The following ALS2 variants were observed in gnomAD, a reference collection of about 807,000 sequenced individuals.
ALS2 encodes the protein alsin Rho guanine nucleotide exchange factor ALS2.
ALS2 carries 117 observed loss-of-function variants against 203.4 expected under a neutral mutation model. The observed-to-expected ratio is 0.58, with a 90% CI of 0.50 to 0.67. The LOEUF is 0.67. Among genes scored for constraint, ALS2 ranks in the 30% least tolerant of loss-of-function variants. The probability of loss-of-function intolerance (pLI) is 0.00; values close to 1 mark genes in which losing one functional copy is unlikely to be tolerated. For missense variants in ALS2, 1,715 were observed against 1,989.4 expected (o/e 0.86, Z 2.62); for synonymous variants, 718 against 725.9 (o/e 0.99, Z 0.17).
intron 1 of ALS2, among the ~76,000 whole-genome samples, chr2:201,772,832 T>A (rs1374350026): frequency 6.6e-6 from 1 of 150,908 alleles, no homozygotes; most frequent in East Asian, 1.9e-4. Flanking sequence ...AGTGGGACAG[T>A]CTATGGATGC....
intron 4 of ALS2, chr2:201,759,472 T>A: frequency 1.1e-6 from 1 of 951,436 alleles, no homozygotes; most frequent in Non-Finnish European, 1.3e-6. Flanking sequence ...ATAAATTAAA[T>A]TTAATTCAAT....
rs868012705 is a variant in ALS2 at position 201,746,574 on chromosome 2, A to C, written c.1990T>G (p.Cys664Gly). ...SGSKTPVLLS[C>G]SKLGYISRVT... Reference sequence around the variant, plus strand: ...ATCCAATTCCTGTTCACCTTACTACAGGAGAGAAGTACTGGAGTCTTAGAA... The same window carrying C: ...ATCCAATTCCTGTTCACCTTACTACCGGAGAGAAGTACTGGAGTCTTAGAA... The change falls in exon 9 of 34, where the codon TGT becomes GGT. Residue 664 changes from cysteine (C) to glycine (G), a missense_variant. By Grantham distance (159) the Cys-to-Gly change is radical. Coordinates refer to ENST00000264276, the MANE Select transcript of ALS2 (RefSeq NM_020919.4). 1 of 1,614,082 alleles carries C rather than the reference A, an allele frequency of 6.2e-7. No individual in the cohort carries two copies.
chr2:201,758,983 G>A (rs1345028706), intron 4 of ALS2, among the ~76,000 whole-genome samples: 1 of 152,066 alleles, frequency 6.6e-6, no homozygotes, highest in Non-Finnish European at 1.5e-5. Context: ...GAAATACAAA[G>A]CCTATTACTT....
Position 201,701,769 on chromosome 2 carries a change from C to T in ALS2, c.*82G>A. ...AGTCCTTTCCAATTTCAACACTGTT[C>T]TTTTTTGCCACTACAGGAAGACTCC... is the stretch of plus-strand genomic sequence containing the variant. On this transcript the variant is annotated 3_prime_UTR_variant, in exon 34 of 34. Coordinates refer to ENST00000264276, the MANE Select transcript of ALS2 (RefSeq NM_020919.4). The T allele has an allele frequency of 1.5e-6, 2 of 1,345,890 alleles. No individual in the cohort carries two copies. Among genetic ancestry groups the T allele is most frequent in the Middle Eastern group, 1.8e-4 (1 of 5,448 alleles). The allele number at this position is 1,345,890 out of a possible 1,614,324, so 83.4% of individuals were successfully genotyped here.
intron 8 of ALS2, 88 bp downstream of exon 8, chr2:201,749,624 C>T (rs973483099): frequency 3.2e-6 from 4 of 1,267,754 alleles, no homozygotes; most frequent in Non-Finnish European, 2.3e-6. Flanking sequence ...ATGAAATTCC[C>T]CCGATATTTT....
chr2:201,707,134 A>C (rs1341757497), intron 28 of ALS2, 112 bp from the exon 29 acceptor site: 1 of 971,252 alleles, frequency 1.0e-6, no homozygotes, highest in Non-Finnish European at 1.6e-6. Flanking sequence ...GGGAAGTTTT[A>C]AAGAAGTTAT....
chr2:201,733,319 T>C lies in ALS2; in HGVS notation c.2537A>G (p.Asn846Ser), dbSNP rs375465475. The C allele has an allele frequency of 5.0e-6, 8 of 1,613,884 alleles. No homozygotes were observed. Among genetic ancestry groups the C allele is most frequent in the Non-Finnish European group, 6.8e-6 (8 of 1,179,906 alleles). Residue 846 changes from asparagine (N) to serine (S), a missense_variant, in exon 13 of 34, where the codon AAT becomes AGT. Transcript: ENST00000264276. The stretch of plus-strand genomic sequence containing the variant: ...AAGCTTTAGCAAAACTTTTGCGTAA[T>C]TATGAAGTCGTCTGATTGGCAAGAA... ...LFFLPIRRLH[N>S]YAKVLLKLAT...
rs760216233 is a variant in ALS2 at position 201,754,641 on chromosome 2, C to T, written c.1502G>A (p.Arg501Gln). ...VSPRLLRKAARVKTRTVVLTP... is the reference protein window; with the variant it reads ...VSPRLLRKAAQVKTRTVVLTP... ...CAGAACCACTGTCCTCGTTTTCACC[C>T]GTGCAGCCTTTCTTAAGAGCCTGGG... Residue 501 changes from arginine (R) to glutamine (Q), a missense_variant, in exon 6 of 34, where the codon CGG becomes CAG. By Grantham distance (43) the Arg-to-Gln change is conservative. Transcript: ENST00000264276. The T allele has an allele frequency of 1.2e-5, 20 of 1,614,018 alleles. No homozygotes were observed. The highest frequency in any genetic ancestry group is 1.6e-4 in the Middle Eastern group (1 of 6,084).
chr2:201,723,166 G>GT lies in ALS2; in HGVS notation c.3625-47dup, dbSNP rs781535974. ...AAAATTACAACACATAAAATACAGAGTAACTTAAGAGTGCACGCAGTCATA... is the reference window on the plus strand; with the variant it reads ...AAAATTACAACACATAAAATACAGAGTTAACTTAAGAGTGCACGCAGTCATA... On this transcript the variant is annotated intron_variant, in intron 22 of 33. Transcript: ENST00000264276. 5 of 1,527,676 alleles carry GT rather than the reference G, an allele frequency of 3.3e-6. No individual in the cohort carries two copies. The East Asian group carries it at 1.1e-4, about 34-fold the overall frequency. 94.6% of individuals were successfully genotyped at this position (1,527,676 alleles called of 1,614,324 possible).
chr2:201,706,485 T>C (rs1012089509), intron 29 of ALS2, among the ~76,000 whole-genome samples: 5 of 149,244 alleles, frequency 3.4e-5, no homozygotes, highest in South Asian at 2.1e-4. Flanking sequence ...GCCAAAGATA[T>C]GTATTCTGCT....
chr2:201,738,474 T>G (rs1314644474), intron 12 of ALS2, 196 bp downstream of exon 12: 1 of 595,686 alleles, frequency 1.7e-6, no homozygotes, highest in South Asian at 2.0e-5. Context: ...CAGTACTTTT[T>G]CAATAGCATA....
chr2:201,730,685 T>C (rs1559054752), intron 13 of ALS2, among the ~76,000 whole-genome samples: 2 of 151,028 alleles, frequency 1.3e-5, no homozygotes, highest in Middle Eastern at 3.2e-3. Flanking sequence ...AACTCAACTA[T>C]CACAGTCATG....
At chr2:201,717,444 C>A (rs975475362) in intron 24 of ALS2, among the ~76,000 whole-genome samples, 1 of 144,494 alleles carries the variant, frequency 6.9e-6, no homozygotes, top group African/African-American at 2.6e-5. Context: ...CCAGCCTGGA[C>A]GACAGACCAA....
intron 11 of ALS2, among the ~76,000 whole-genome samples, chr2:201,739,247 A>C (rs1212400980): frequency 9.9e-5 from 15 of 151,482 alleles, no homozygotes; most frequent in Admixed American, 9.2e-4. Context: ...AAAAAAAAAA[A>C]AAAAAAAAAA....
rs199875684 is a variant in ALS2, at chr2:201,727,213, T to G, written c.2978A>C (p.Lys993Thr). 21 of 1,611,458 alleles carry G rather than the reference T, an allele frequency of 1.3e-5. No individual in the cohort carries two copies. The African/African-American group carries it at 2.3e-4, about 17-fold the overall frequency. ...AGGAAAATACCATAATAGACTAACC[T>G]TTTCCTGGGGTGTAGATGAAATGAG... ...FTLISSTPQE[K>T]TKWLRAISQA... is the part of the protein sequence containing the mutation. The change falls in exon 17 of 34, where the codon AAG becomes ACG. Residue 993 changes from lysine to threonine, a missense_variant and splice_region_variant. Transcript: ENST00000264276.
At chr2:201,759,431 T>G in intron 4 of ALS2, 1 of 940,646 alleles carries the variant, frequency 1.1e-6, no homozygotes, top group Non-Finnish European at 1.3e-6. Context: ...AAGAATAAAT[T>G]AAATGTAATA....
intron 13 of ALS2, among the ~76,000 whole-genome samples, chr2:201,731,516 A>G (rs549540645): frequency 1.3e-5 from 2 of 152,346 alleles, no homozygotes; most frequent in East Asian, 3.9e-4. Flanking sequence ...GATTAAAGTT[A>G]TATGTATATA....
chr2:201,779,749 T>A (rs1218721821), intron 1 of ALS2, among the ~76,000 whole-genome samples: 2 of 152,222 alleles, frequency 1.3e-5, no homozygotes. Context: ...TTAAATAACT[T>A]GCCCAAAATC....
At chr2:201,717,344 C>T (rs955753083) in intron 24 of ALS2, among the ~76,000 whole-genome samples, 1 of 151,600 alleles carries the variant, frequency 6.6e-6, no homozygotes, top group Non-Finnish European at 1.5e-5. Context: ...TGTGCACCTA[C>T]AGTCTCAGCT....
Sources: gnomAD v4.1 joint callset for allele counts (sites outside exome capture counted in the v4.1 genomes callset) on GRCh38, gnomAD v4.1.1 for gene constraint, MANE v1.5 for transcripts, NCBI Gene and HGNC (gene_info 2026-07-23, HGNC 2026-07-21) for gene names.